Variants in BMPR1B observed in about 807,000 individuals in gnomAD.
BMPR1B encodes bone morphogenetic protein receptor type 1B, also known as bone morphogenetic protein receptor type-1B.
A neutral mutation model predicts 59.1 loss-of-function variants in BMPR1B; 12 were observed. The ratio of observed to expected loss-of-function variants is 0.20; its 90% CI spans 0.13 to 0.33. BMPR1B has a LOEUF of 0.33. Among genes scored for constraint, BMPR1B ranks in the 10% least tolerant of loss-of-function variants. The pLI, the probability that BMPR1B is intolerant of heterozygous loss-of-function variation, is 1.00. For missense variants in BMPR1B, 550 were observed against 610.9 expected (o/e 0.90, Z 1.05); for synonymous variants, 237 against 207.3 (o/e 1.14, Z -1.23).
intron 1 of BMPR1B, among the ~76,000 whole-genome samples, chr4:94,831,598 G>A (rs771066273): frequency 2.6e-5 from 4 of 152,014 alleles, no homozygotes; most frequent in Non-Finnish European, 4.4e-5. Flanking sequence ...GTACAGTTTT[G>A]CCTTTATATT....
At chr4:94,801,032 A>G (rs1723388032) in intron 1 of BMPR1B, among the ~76,000 whole-genome samples, 1 of 152,164 alleles carries the variant, frequency 6.6e-6, no homozygotes, top group Non-Finnish European at 1.5e-5. Flanking sequence ...CATGCTTAGG[A>G]CAGAGGGTGT....
At chr4:94,826,215 A>G (rs1365102448) in intron 1 of BMPR1B, among the ~76,000 whole-genome samples, 3 of 152,218 alleles carry the variant, frequency 2.0e-5, no homozygotes, top group Non-Finnish European at 4.4e-5. Context: ...GGGACTGCCT[A>G]GAGATCTTAC....
intron 1 of BMPR1B, among the ~76,000 whole-genome samples, chr4:94,779,693 G>A (rs1023997992): frequency 7.2e-5 from 11 of 152,070 alleles, no homozygotes; most frequent in African/African-American, 2.4e-4. Flanking sequence ...TTAGCCCGGT[G>A]TGGTGGCACG....
At chr4:94,939,022 A>C (rs1386887673) in intron 2 of BMPR1B, among the ~76,000 whole-genome samples, 1 of 152,122 alleles carries the variant, frequency 6.6e-6, no homozygotes, top group Non-Finnish European at 1.5e-5. Context: ...TTAAAAAATA[A>C]ACAAATAAAA....
chr4:94,981,268 A>G (rs965859716), intron 2 of BMPR1B, among the ~76,000 whole-genome samples: 26 of 151,812 alleles, frequency 1.7e-4, no homozygotes, highest in African/African-American at 5.8e-4. Context: ...CAGTGGCGCA[A>G]TCACTGCTCA....
At chr4:95,010,040 A>G (rs1285803477) in intron 3 of BMPR1B, among the ~76,000 whole-genome samples, 1 of 152,156 alleles carries the variant, frequency 6.6e-6, no homozygotes, top group African/African-American at 2.4e-5. Flanking sequence ...GCATAAACCA[A>G]ACAGATTTGG....
intron 1 of BMPR1B, among the ~76,000 whole-genome samples, chr4:94,860,052 A>G (rs1328585625): frequency 6.6e-6 from 1 of 152,174 alleles, no homozygotes; most frequent in Non-Finnish European, 1.5e-5. Flanking sequence ...CTACTGGAGT[A>G]AGAGAAGCAG....
chr4:94,780,978 G>A (rs555326643), intron 1 of BMPR1B, among the ~76,000 whole-genome samples: 33 of 152,110 alleles, frequency 2.2e-4, no homozygotes, highest in South Asian at 1.9e-3. Context: ...GTGAGTCACC[G>A]CAGCCGGCCT....
Position 94,816,553 on chromosome 4 carries a change from A to G in BMPR1B, c.-183+58485A>G, listed in dbSNP as rs547165358. Among the ~76,000 whole-genome samples the G allele has an allele frequency of 5.3e-5, 8 of 152,292 alleles. No individual in the cohort carries two copies. The South Asian group carries it at 8.3e-4, about 16-fold the overall frequency. Reference sequence around the variant, plus strand: ...TACAAAATGTGAAGTACGGATCTAAATTAGTATTTCTGCATTATTGACCAT... The same window carrying G: ...TACAAAATGTGAAGTACGGATCTAAGTTAGTATTTCTGCATTATTGACCAT... On this transcript the variant is annotated intron_variant, in intron 1 of 12. Transcript: ENST00000515059.
At chr4:94,789,879 C>T (rs751929305) in intron 1 of BMPR1B, among the ~76,000 whole-genome samples, 1 of 152,108 alleles carries the variant, frequency 6.6e-6, no homozygotes, top group Non-Finnish European at 1.5e-5. Context: ...TTTTCTGCCT[C>T]TGTCACCCCT....
At chr4:94,941,371 G>A (rs1729504584) in intron 2 of BMPR1B, among the ~76,000 whole-genome samples, 1 of 151,530 alleles carries the variant, frequency 6.6e-6, no homozygotes, top group South Asian at 2.1e-4. Flanking sequence ...GGCAGAGGTT[G>A]CAGTGAGCCG....
intron 3 of BMPR1B, among the ~76,000 whole-genome samples, chr4:95,039,421 C>CTTTTTTTTTTTTTTTTTTT (rs35591365): frequency 7.1e-6 from 1 of 140,956 alleles, no homozygotes; most frequent in Non-Finnish European, 1.5e-5. Context: ...TTTACTTCTT[C>CTTTTTTTTTTTTTTTTTTT]TTTTTTTTTT....
intron 3 of BMPR1B, among the ~76,000 whole-genome samples, chr4:95,071,073 AT>A (rs1252350624): frequency 6.6e-6 from 1 of 152,138 alleles, no homozygotes; most frequent in Non-Finnish European, 1.5e-5. Context: ...TTTGGTATGT[AT>A]GTATCTGTTT....
intron 3 of BMPR1B, among the ~76,000 whole-genome samples, chr4:95,102,902 T>C (rs1392774345): frequency 6.6e-6 from 1 of 152,004 alleles, no homozygotes; most frequent in Non-Finnish European, 1.5e-5. Flanking sequence ...TCTTGTTGAA[T>C]ATGCACATTT....
intron 3 of BMPR1B, among the ~76,000 whole-genome samples, chr4:95,085,364 A>G (rs1579052904): frequency 6.6e-6 from 1 of 152,142 alleles, no homozygotes; most frequent in African/African-American, 2.4e-5. Context: ...GAGAGAGGCA[A>G]ACAGGAACAT....
At chr4:94,902,691 A>G (rs1430641494) in intron 2 of BMPR1B, among the ~76,000 whole-genome samples, 3 of 151,992 alleles carry the variant, frequency 2.0e-5, no homozygotes, top group Non-Finnish European at 2.9e-5. Flanking sequence ...TGCTTAATAC[A>G]TATGTTGGGA....
At chr4:95,063,430 A>G (rs1216845252) in intron 3 of BMPR1B, among the ~76,000 whole-genome samples, 1 of 151,176 alleles carries the variant, frequency 6.6e-6, no homozygotes, top group Non-Finnish European at 1.5e-5. Flanking sequence ...AGGGTAGATC[A>G]TAGGTGCAGG....
intron 3 of BMPR1B, among the ~76,000 whole-genome samples, chr4:95,047,913 G>A (rs1726163609): frequency 6.6e-6 from 1 of 152,106 alleles, no homozygotes; most frequent in Non-Finnish European, 1.5e-5. Flanking sequence ...AGTGAGCATA[G>A]TACCCAGTAG....
chr4:94,856,863 A>C (rs192144994), intron 1 of BMPR1B, among the ~76,000 whole-genome samples: 1 of 152,348 alleles, frequency 6.6e-6, no homozygotes, highest in Admixed American at 6.5e-5. Context: ...TAATGACTAG[A>C]ACACTTAGAA....
Sources: allele counts gnomAD v4.1 joint callset (sites outside exome capture counted in the v4.1 genomes callset), GRCh38; gene constraint gnomAD v4.1.1; transcripts MANE v1.5; gene names NCBI Gene and HGNC (gene_info 2026-07-23, HGNC 2026-07-21).